The following ZBTB20 variants were observed in gnomAD, a reference collection of about 807,000 sequenced individuals.
The protein encoded by ZBTB20 is zinc finger and BTB domain containing 20.
In ZBTB20, 9 loss-of-function variants were observed where a neutral mutation model predicts 56.9. That is an observed-to-expected ratio of 0.16 (90% confidence interval 0.10 to 0.28). The LOEUF is 0.28. Among genes scored for constraint, ZBTB20 ranks in the 10% least tolerant of loss-of-function variants. The pLI, the probability that ZBTB20 is intolerant of heterozygous loss-of-function variation, is 1.00. For synonymous variants in ZBTB20, 417 were observed against 420.7 expected (o/e 0.99, Z 0.11); for missense variants, 655 against 1,003.0 (o/e 0.65, Z 4.69).
rs1394505165 is a variant in ZBTB20 at position 114,326,081 on chromosome 3, G to A, written c.*12924C>T. 1 of 152,088 alleles carries A rather than the reference G, an allele frequency of 6.6e-6. No individual in the cohort carries two copies. The highest frequency in any genetic ancestry group is 2.4e-5 in the African/African-American group (1 of 41,398). 9.4% of individuals were successfully genotyped at this position (152,088 alleles called of 1,614,324 possible). ...ACTTAAGACTTCATGAACACATACA[G>A]TCTTGAAATGGCTAGAAAAGCAACA... On this transcript the variant is annotated 3_prime_UTR_variant, in exon 12 of 12. Transcript: ENST00000675478.
At chr3:114,982,433 A>G (rs1011790327) in intron 2 of ZBTB20, among the ~76,000 whole-genome samples, 1 of 152,112 alleles carries the variant, frequency 6.6e-6, no homozygotes, top group African/African-American at 2.4e-5. Flanking sequence ...AAAGACAGCA[A>G]CCAATTTGTA....
At chr3:114,684,884 T>C (rs1049421657) in intron 6 of ZBTB20, among the ~76,000 whole-genome samples, 3 of 152,100 alleles carry the variant, frequency 2.0e-5, no homozygotes, top group East Asian at 1.9e-4. Flanking sequence ...TAAAAAAAAG[T>C]CTGAAAAAAT....
chr3:114,361,133 C>A (rs2081832817), intron 10 of ZBTB20, among the ~76,000 whole-genome samples: 1 of 151,906 alleles, frequency 6.6e-6, no homozygotes, highest in East Asian at 1.9e-4. Context: ...AGCTAACATT[C>A]AAATTATCTG....
intron 1 of ZBTB20, among the ~76,000 whole-genome samples, chr3:115,073,673 T>C (rs114210993): frequency 0.011 from 1,608 of 152,078 alleles, 18 homozygotes; most frequent in African/African-American, 0.031. Context: ...TAAAAATATT[T>C]ATAACTATAA....
At chr3:114,928,014 G>A (rs1164155628) in intron 3 of ZBTB20, among the ~76,000 whole-genome samples, 1 of 152,152 alleles carries the variant, frequency 6.6e-6, no homozygotes, top group African/African-American at 2.4e-5. Context: ...AAAAAGTATG[G>A]TTCCACCATT....
chr3:114,425,854 GT>G (rs1157045853), intron 7 of ZBTB20, among the ~76,000 whole-genome samples: 1 of 152,090 alleles, frequency 6.6e-6, no homozygotes, highest in Non-Finnish European at 1.5e-5. Context: ...TACAAATTCT[GT>G]GTAACCACAG....
intron 6 of ZBTB20, among the ~76,000 whole-genome samples, chr3:114,558,828 T>C (rs2051614962): frequency 6.6e-6 from 1 of 152,160 alleles, no homozygotes; most frequent in African/African-American, 2.4e-5. Context: ...AGTATACTTT[T>C]CCTTATTCAC....
At chr3:114,364,592 A>C (rs2082208151) in intron 10 of ZBTB20, among the ~76,000 whole-genome samples, 2 of 152,190 alleles carry the variant, frequency 1.3e-5, no homozygotes, top group African/African-American at 4.8e-5. Flanking sequence ...TTTTTAAAGG[A>C]CCACCATGCA....
At chr3:114,514,445 T>G (rs565410953) in intron 6 of ZBTB20, among the ~76,000 whole-genome samples, 1 of 152,132 alleles carries the variant, frequency 6.6e-6, no homozygotes, top group East Asian at 1.9e-4. Context: ...ACAGGGCCCA[T>G]AGGAGCAGAG....
intron 2 of ZBTB20, among the ~76,000 whole-genome samples, chr3:114,996,116 T>C (rs908008592): frequency 6.6e-6 from 1 of 151,852 alleles, no homozygotes; most frequent in Non-Finnish European, 1.5e-5. Flanking sequence ...GGCCAGATCA[T>C]GGCACATGTC....
intron 1 of ZBTB20, among the ~76,000 whole-genome samples, chr3:115,085,698 A>T (rs1256931313): frequency 6.6e-6 from 1 of 151,912 alleles, no homozygotes; most frequent in African/African-American, 2.4e-5. Flanking sequence ...TTTAAGCTTA[A>T]TATGCCACAT....
At chr3:114,404,507 T>C (rs973178899) in intron 7 of ZBTB20, among the ~76,000 whole-genome samples, 7 of 152,124 alleles carry the variant, frequency 4.6e-5, no homozygotes, top group Non-Finnish European at 1.5e-5. Context: ...GTCATAAAAA[T>C]ACCCTGGTAT....
chr3:115,125,734 T>G (rs1560591324), intron 1 of ZBTB20, among the ~76,000 whole-genome samples: 1 of 150,490 alleles, frequency 6.6e-6, no homozygotes, highest in Non-Finnish European at 1.5e-5. Context: ...ATCACAAAAA[T>G]GTAAGGTAAT....
intron 6 of ZBTB20, among the ~76,000 whole-genome samples, chr3:114,685,904 G>A (rs889167011): frequency 6.6e-6 from 1 of 151,826 alleles, no homozygotes; most frequent in Non-Finnish European, 1.5e-5. Flanking sequence ...GTTTTTTTAA[G>A]GACTAAACTA....
At chr3:114,917,121 A>T (rs541105806) in intron 3 of ZBTB20, among the ~76,000 whole-genome samples, 4 of 152,032 alleles carry the variant, frequency 2.6e-5, no homozygotes, top group African/African-American at 9.6e-5. Flanking sequence ...AAGCTCACTA[A>T]TTCTTTCTTC....
chr3:115,016,759 T>C (rs1223225546), intron 2 of ZBTB20, among the ~76,000 whole-genome samples: 2 of 151,864 alleles, frequency 1.3e-5, no homozygotes, highest in African/African-American at 4.8e-5. Flanking sequence ...CCTGCAGCTT[T>C]GTTATTTTTG....
intron 3 of ZBTB20, among the ~76,000 whole-genome samples, chr3:114,956,960 C>A (rs1576420445): frequency 2.0e-5 from 3 of 152,236 alleles, no homozygotes; most frequent in Admixed American, 2.0e-4. Flanking sequence ...GCCTTTGGAT[C>A]CAAATTCTGT....
At chr3:114,879,693 A>G (rs2076324837) in intron 4 of ZBTB20, among the ~76,000 whole-genome samples, 1 of 152,180 alleles carries the variant, frequency 6.6e-6, no homozygotes, top group Admixed American at 6.5e-5. Context: ...GATTTGAGGC[A>G]GTACTTGCTT....
chr3:114,403,114 A>C (rs1474977115), intron 7 of ZBTB20, among the ~76,000 whole-genome samples: 2 of 152,180 alleles, frequency 1.3e-5, no homozygotes, highest in African/African-American at 2.4e-5. Flanking sequence ...TTGCATCAGA[A>C]GCTTGTAGTT....
Sources: gnomAD v4.1 joint callset for allele counts (sites outside exome capture counted in the v4.1 genomes callset) on GRCh38, gnomAD v4.1.1 for gene constraint, MANE v1.5 for transcripts, NCBI Gene and HGNC (gene_info 2026-07-23, HGNC 2026-07-21) for gene names.